FBP2: variants seen among roughly 807,000 people sequenced by gnomAD.
FBP2 encodes fructose-bisphosphatase 2.
A neutral mutation model predicts 31.6 loss-of-function variants in FBP2; 27 were observed. The ratio of observed to expected loss-of-function variants is 0.85; its 90% CI spans 0.63 to 1.18. FBP2 has a LOEUF of 1.18. Among genes scored for constraint, FBP2 ranks in the 50% most tolerant of loss-of-function variants. The pLI is 0.00. For synonymous variants in FBP2, 168 were observed against 179.8 expected, an observed-to-expected ratio of 0.93 and a Z score of 0.53; for missense variants, 421 against 436.1, an observed-to-expected ratio of 0.97 and a Z score of 0.31.
At chr9:94,566,557 G>T (rs1347465430) in intron 5 of FBP2, among the ~76,000 whole-genome samples, 1 of 152,218 alleles carries the variant, frequency 6.6e-6, no homozygotes, top group African/African-American at 2.4e-5. Flanking sequence ...AAATAGGTGG[G>T]TAAATCTGTT....
At chr9:94,565,232 G>A (rs1006870638) in intron 5 of FBP2, among the ~76,000 whole-genome samples, 1 of 151,914 alleles carries the variant, frequency 6.6e-6, no homozygotes, top group Non-Finnish European at 1.5e-5. Context: ...AATATTAGCT[G>A]GGCATGGTGG....
intron 3 of FBP2, among the ~76,000 whole-genome samples, chr9:94,583,367 A>C (rs1339192486): frequency 1.3e-5 from 2 of 152,228 alleles, no homozygotes; most frequent in African/African-American, 4.8e-5. Context: ...ATGGCTTTAG[A>C]TATCCTAACT....
intron 6 of FBP2, among the ~76,000 whole-genome samples, chr9:94,562,309 CAAAAAAAAAAAAAA>C (rs397893359): frequency 1.4e-5 from 1 of 72,106 alleles, no homozygotes; most frequent in Non-Finnish European, 2.6e-5. Flanking sequence ...GACTCCATCT[CAAAAAAAAAAAAAA>C]AAAAAAAAAG....
At chr9:94,585,329 A>T (rs1222259719) in intron 2 of FBP2, among the ~76,000 whole-genome samples, 1 of 152,092 alleles carries the variant, frequency 6.6e-6, no homozygotes, top group African/African-American at 2.4e-5. Flanking sequence ...ATACATGTTG[A>T]GCTTCCAGCA....
chr9:94,562,309 CAAA>C (rs397893359), intron 6 of FBP2, among the ~76,000 whole-genome samples: 15 of 72,118 alleles, frequency 2.1e-4, no homozygotes, highest in Admixed American at 5.3e-4. Flanking sequence ...GACTCCATCT[CAAA>C]AAAAAAAAAA....
chr9:94,588,055 G>T (rs1363483032), intron 1 of FBP2, among the ~76,000 whole-genome samples: 1 of 151,916 alleles, frequency 6.6e-6, no homozygotes, highest in Non-Finnish European at 1.5e-5. Flanking sequence ...GTTTCACCAT[G>T]TTAGCCAGGA....
chr9:94,567,130 A>G (rs1443116704), intron 5 of FBP2, 140 bp downstream of exon 5: 32 of 726,798 alleles, frequency 4.4e-5, no homozygotes, highest in Non-Finnish European at 6.4e-5. Flanking sequence ...GAAGAAAGGC[A>G]GAGTCCATCA....
At chr9:94,584,925 A>G (rs1419395121) in intron 2 of FBP2, among the ~76,000 whole-genome samples, 1 of 152,148 alleles carries the variant, frequency 6.6e-6, no homozygotes, top group African/African-American at 2.4e-5. Flanking sequence ...TTGAGAGACC[A>G]ACGTCCCCCA....
At chr9:94,578,149 G>A (rs139786444) in intron 3 of FBP2, among the ~76,000 whole-genome samples, 4 of 152,306 alleles carry the variant, frequency 2.6e-5, no homozygotes, top group South Asian at 2.1e-4. Flanking sequence ...AGGGTTTGGC[G>A]CAAAGATTGT....
chr9:94,587,760 G>A (rs1827444919), intron 1 of FBP2, among the ~76,000 whole-genome samples: 1 of 152,166 alleles, frequency 6.6e-6, no homozygotes, highest in Admixed American at 6.5e-5. Flanking sequence ...GGAGCAGATG[G>A]GGGGACTCAT....
At chr9:94,574,268 A>G (rs1050300432) in intron 3 of FBP2, among the ~76,000 whole-genome samples, 2 of 152,270 alleles carry the variant, frequency 1.3e-5, no homozygotes, top group African/African-American at 2.4e-5. Flanking sequence ...GAGTGCATCA[A>G]TTTATACTTT....
In FBP2 at chr9:94,590,864, C is replaced by G. The variant is rs566079596; in HGVS notation, c.170+2693G>C. On this transcript the variant is annotated intron_variant, in intron 1 of 6. Coordinates refer to ENST00000375337, the MANE Select transcript of FBP2 (RefSeq NM_003837.4). Reference sequence around the variant, plus strand: ...GCGTTTACAATCCCTGAGCTACATACAAAGGTTCTCCACGTCCCCATCAGA... The same window carrying G: ...GCGTTTACAATCCCTGAGCTACATAGAAAGGTTCTCCACGTCCCCATCAGA... 2.0e-4 allele frequency among the ~76,000 whole-genome samples: 31 copies of G among 152,284 alleles called. No individual in the cohort carries two copies. In the South Asian group the frequency reaches 6.4e-3, roughly 32 times the overall value.
At chr9:94,574,873 A>G (rs1827301291) in intron 3 of FBP2, among the ~76,000 whole-genome samples, 1 of 152,202 alleles carries the variant, frequency 6.6e-6, no homozygotes, top group African/African-American at 2.4e-5. Context: ...CCCAGTTTAT[A>G]TCAGCAATCT....
chr9:94,583,843 G>A (rs987188955), intron 3 of FBP2, among the ~76,000 whole-genome samples: 1 of 152,174 alleles, frequency 6.6e-6, no homozygotes, highest in Non-Finnish European at 1.5e-5. Flanking sequence ...AAGGCCTCAA[G>A]TGATCCGCCC....
chr9:94,578,966 T>C (rs1278833171), intron 3 of FBP2, among the ~76,000 whole-genome samples: 1 of 133,560 alleles, frequency 7.5e-6, no homozygotes, highest in Non-Finnish European at 1.5e-5. Flanking sequence ...GGCAGGAGAA[T>C]GGCGTGAACC....
At chr9:94,572,376 G>C (rs1161816698) in intron 3 of FBP2, among the ~76,000 whole-genome samples, 1 of 152,020 alleles carries the variant, frequency 6.6e-6, no homozygotes, top group African/African-American at 2.4e-5. Context: ...TCATAGATTA[G>C]TGATTCAAAC....
chr9:94,559,249 C>A (rs992779498), intron 6 of FBP2, 117 bp from the exon 7 acceptor site: 2 of 823,408 alleles, frequency 2.4e-6, no homozygotes, highest in Non-Finnish European at 3.8e-6. Flanking sequence ...CTAGCATGAG[C>A]GCACCATGCA....
At chr9:94,590,630 G>A (rs1020110200) in intron 1 of FBP2, among the ~76,000 whole-genome samples, 1 of 152,140 alleles carries the variant, frequency 6.6e-6, no homozygotes. Context: ...AGATCTTCGC[G>A]GTGAGTGTTA....
intron 4 of FBP2, chr9:94,568,510 C>T (rs1251757938): frequency 6.6e-6 from 1 of 152,144 alleles, no homozygotes; most frequent in Admixed American, 6.5e-5. Context: ...GAAACCAGAT[C>T]CATTTTGATG....
Sources: allele counts gnomAD v4.1 joint callset (sites outside exome capture counted in the v4.1 genomes callset), GRCh38; gene constraint gnomAD v4.1.1; transcripts MANE v1.5; gene names NCBI Gene and HGNC (gene_info 2026-07-23, HGNC 2026-07-21).